Variants in F5 observed in about 807,000 individuals in gnomAD.
The protein encoded by F5 is coagulation factor V.
A neutral mutation model predicts 216.4 loss-of-function variants in F5; 138 were observed. The ratio of observed to expected loss-of-function variants is 0.64; its 90% CI spans 0.56 to 0.73. F5 has a LOEUF of 0.73. Among genes scored for constraint, F5 ranks in the 30% least tolerant of loss-of-function variants. The pLI is 0.00. For synonymous variants in F5, 916 were observed against 930.7 expected (o/e 0.98, Z 0.29); for missense variants, 2,403 against 2,674.0 (o/e 0.90, Z 2.24).
intron 22 of F5, among the ~76,000 whole-genome samples, chr1:169,520,251 C>G (rs9332659): frequency 0.054 from 8,183 of 152,190 alleles, 347 homozygotes; most frequent in Admixed American, 0.1. Context: ...GAGGTAATTC[C>G]AAATTAGAGC....
chr1:169,529,891 A>G, intron 15 of F5, 73 bp from the exon 16 acceptor site: 1 of 1,283,586 alleles, frequency 7.8e-7, no homozygotes, highest in Non-Finnish European at 1.1e-6. Context: ...CACTCATCAT[A>G]TAGAAAAGGA....
chr1:169,556,680 C>G lies in F5; in HGVS notation c.918G>C (p.Trp306Cys). ...ANMTVGPEGK[W>C]IISSLTPKHL... ...GTTTTGGGGTGAGAGAAGATATGATCCACTTTCCCTCTGGGCCCACAGTCA... is the reference window on the plus strand; with the variant it reads ...GTTTTGGGGTGAGAGAAGATATGATGCACTTTCCCTCTGGGCCCACAGTCA... Residue 306 changes from tryptophan to cysteine, a missense_variant, in exon 6 of 25, where the codon TGG (tryptophan) becomes TGC (cysteine). Physicochemically the swap from Trp to Cys is radical, Grantham distance 215. This residue lies in a region of F5 where 1,425 missense variants were observed against 1,554.8 expected (regional missense o/e 0.92). Transcript: ENST00000367797. 6.2e-7 allele frequency: 1 copy of G among 1,613,938 alleles called. No homozygotes were observed. The highest frequency in any genetic ancestry group is 1.1e-5 in the South Asian group (1 of 91,072).
Position 169,541,806 on chromosome 1 carries a change from G to C in F5, c.3284C>G (p.Ala1095Gly). The change falls in exon 13 of 25, where the codon GCC (alanine) becomes GGC (glycine). Residue 1095 changes from alanine (A) to glycine (G), a missense_variant. Transcript: ENST00000367797. The stretch of plus-strand genomic sequence containing the variant: ...ATTCTGATTATGGTCAGGAAGTGAG[G>C]CTATCCAGCCAAAATCCATAGAGGG... ...TLPSMDFGWI[A>G]SLPDHNQNSS... The C allele has an allele frequency of 6.2e-7, 1 of 1,614,052 alleles. No homozygotes were observed. The highest frequency in any genetic ancestry group is 8.5e-7 in the Non-Finnish European group (1 of 1,179,988).
intron 3 of F5, among the ~76,000 whole-genome samples, chr1:169,563,407 T>C (rs1660525569): frequency 6.6e-6 from 1 of 152,124 alleles, no homozygotes; most frequent in South Asian, 2.1e-4. Flanking sequence ...TTTCTTCAAA[T>C]ACTTTTTCTG....
Position 169,556,665 on chromosome 1 carries a change from G to A in F5, c.933C>T (p.Leu311=). ...GPEGKWIISS[L]TPKHLQAGMQ... ...TCTTGCCTTGCAAATGTTTTGGGGT[G>A]AGAGAAGATATGATCCACTTTCCCT... The change falls in exon 6 of 25, where the codon CTC becomes CTT. Residue 311 remains leucine, a synonymous_variant. Coordinates refer to ENST00000367797, the MANE Select transcript of F5 (RefSeq NM_000130.5). The A allele has an allele frequency of 6.2e-7, 1 of 1,614,060 alleles. No individual in the cohort carries two copies. Among genetic ancestry groups the A allele is most frequent in the Non-Finnish European group, 8.5e-7 (1 of 1,179,974 alleles).
chr1:169,569,834 A>C (rs1445138957), intron 3 of F5, among the ~76,000 whole-genome samples: 2 of 152,084 alleles, frequency 1.3e-5, no homozygotes, highest in African/African-American at 4.8e-5. Flanking sequence ...TACCTCTGAG[A>C]TAGAGGAATC....
intron 8 of F5, among the ~76,000 whole-genome samples, chr1:169,550,986 G>T (rs375880540): frequency 2.4e-4 from 37 of 152,154 alleles, no homozygotes; most frequent in African/African-American, 8.4e-4. Context: ...TAGAGGATAG[G>T]TTAGGAGAAG....
chr1:169,548,254 C>G (rs1438551789), intron 10 of F5, among the ~76,000 whole-genome samples: 15 of 151,952 alleles, frequency 9.9e-5, no homozygotes, highest in Non-Finnish European at 2.2e-4. Flanking sequence ...AGGCTTAATA[C>G]CTGGGTGATG....
At chr1:169,534,587 G>A (rs1659663914) in intron 14 of F5, among the ~76,000 whole-genome samples, 1 of 151,722 alleles carries the variant, frequency 6.6e-6, no homozygotes, top group African/African-American at 2.4e-5. Context: ...AGAATTGCTT[G>A]AACCTGGGAG....
In F5 at chr1:169,515,550, C is replaced by T; in HGVS notation, c.6422G>A (p.Cys2141Tyr). ...KKITAIITQG[C>Y]KSLSSEMYVK... ...ATACATTTCAGAGGACAGAGACTTGCAGCCCTGTGTTATAATTGCCGTTAT... is the reference window on the plus strand; with the variant it reads ...ATACATTTCAGAGGACAGAGACTTGTAGCCCTGTGTTATAATTGCCGTTAT... The change falls in exon 24 of 25, where the codon TGC (cysteine) becomes TAC (tyrosine). Residue 2141 changes from cysteine (C) to tyrosine (Y), a missense_variant. Physicochemically the swap from Cys to Tyr is radical, Grantham distance 194. Transcript: ENST00000367797. 1 of 1,613,564 alleles carries T rather than the reference C, an allele frequency of 6.2e-7. No individual in the cohort carries two copies. The highest frequency in any genetic ancestry group is 8.5e-7 in the Non-Finnish European group (1 of 1,179,682).
chr1:169,522,731 G>GC (rs986487642), intron 21 of F5, among the ~76,000 whole-genome samples: 2 of 152,074 alleles, frequency 1.3e-5, no homozygotes, highest in African/African-American at 4.8e-5. Flanking sequence ...CTCAGGCATG[G>GC]CCCCCCAAAA....
chr1:169,519,189 C>T (rs1659229111), intron 22 of F5, among the ~76,000 whole-genome samples: 1 of 152,030 alleles, frequency 6.6e-6, no homozygotes, highest in Non-Finnish European at 1.5e-5. Context: ...ACACTTTGTT[C>T]TTGTTGGTAA....
intron 3 of F5, among the ~76,000 whole-genome samples, chr1:169,561,166 T>C (rs941693587): frequency 2.0e-5 from 3 of 152,200 alleles, no homozygotes; most frequent in African/African-American, 7.2e-5. Context: ...GATGGGAGGA[T>C]AGTCAGAGCT....
chr1:169,546,230 G>A (rs1477473277), intron 11 of F5, among the ~76,000 whole-genome samples: 2 of 151,500 alleles, frequency 1.3e-5, no homozygotes, highest in Admixed American at 1.3e-4. Flanking sequence ...AAGATCAAAC[G>A]CATTTCTAAG....
Position 169,511,968 on chromosome 1 carries a change from T to C in F5, c.*2345A>G, listed in dbSNP as rs1267992710. Among the ~76,000 whole-genome samples the C allele has an allele frequency of 6.6e-6, 1 of 151,452 alleles. No homozygotes were observed. The highest frequency in any genetic ancestry group is 1.5e-5 in the Non-Finnish European group (1 of 67,966). The stretch of plus-strand genomic sequence containing the variant: ...AGAGAGAAATAAAAAGTGGGTATCT[T>C]TTTTATTTCAAAATAACAGGGGTTT... On this transcript the variant is annotated 3_prime_UTR_variant, in exon 25 of 25. Transcript: ENST00000367797.
At chr1:169,565,693 T>TCTTA (rs1660583475) in intron 3 of F5, among the ~76,000 whole-genome samples, 1 of 152,112 alleles carries the variant, frequency 6.6e-6, no homozygotes, top group Non-Finnish European at 1.5e-5. Context: ...TGGATCTGGA[T>TCTTA]CTTAGCTGCC....
chr1:169,526,452 G>A (rs1460551868), intron 17 of F5, among the ~76,000 whole-genome samples: 1 of 151,838 alleles, frequency 6.6e-6, no homozygotes, highest in Non-Finnish European at 1.5e-5. Context: ...ATGTTTTCAA[G>A]TTTTCCATAA....
At chr1:169,514,503 G>T in intron 24 of F5, 44 bp from the exon 25 acceptor site, 2 of 1,581,086 alleles carry the variant, frequency 1.3e-6, no homozygotes, top group Non-Finnish European at 1.7e-6. Flanking sequence ...AACATAAATG[G>T]CTAAGGTTTT....
At chr1:169,578,783 T>C (rs894637280) in intron 2 of F5, among the ~76,000 whole-genome samples, 12 of 152,202 alleles carry the variant, frequency 7.9e-5, no homozygotes, top group Admixed American at 7.2e-4. Flanking sequence ...TAATTTTATT[T>C]GCAACGTTAT....
Sources: allele counts gnomAD v4.1 joint callset (sites outside exome capture counted in the v4.1 genomes callset), GRCh38; gene constraint gnomAD v4.1.1; regional missense constraint gnomAD v4.1.1; transcripts MANE v1.5; gene names NCBI Gene and HGNC (gene_info 2026-07-23, HGNC 2026-07-21).